The following NUP160 variants were observed in gnomAD, a reference collection of about 807,000 sequenced individuals.
The protein encoded by NUP160 is nuclear pore complex protein Nup160.
Under a neutral mutation model 196.9 loss-of-function variants are expected in NUP160, and 94 were observed. That is an observed-to-expected ratio of 0.48 (90% CI 0.40 to 0.57). NUP160 has a LOEUF of 0.57. Among genes scored for constraint, NUP160 ranks in the 20% least tolerant of loss-of-function variants. The pLI is 0.00. For missense variants in NUP160, 1,638 were observed against 1,748.3 expected (o/e 0.94, Z 1.13); for synonymous variants, 605 against 619.7 (o/e 0.98, Z 0.35).
intron 29 of NUP160, among the ~76,000 whole-genome samples, chr11:47,790,766 A>T (rs1196416338): frequency 6.6e-6 from 1 of 152,126 alleles, no homozygotes; most frequent in African/African-American, 2.4e-5. Context: ...AAACAAAAAC[A>T]AACAGGTTTA....
At chr11:47,782,652 ATTATTTAT>A (rs528276059) in intron 34 of NUP160, among the ~76,000 whole-genome samples, 1 of 151,256 alleles carries the variant, frequency 6.6e-6, no homozygotes, top group Admixed American at 6.6e-5. Context: ...TTATTTATTT[ATTATTTAT>A]TTATTTATTT....
chr11:47,840,310 T>A, intron 3 of NUP160, 68 bp downstream of exon 3: 1 of 1,361,014 alleles, frequency 7.3e-7, no homozygotes, highest in Non-Finnish European at 1.1e-6. Context: ...AAGACATCGC[T>A]CCAGCACTAC....
intron 11 of NUP160, among the ~76,000 whole-genome samples, chr11:47,817,546 C>A (rs1215466404): frequency 6.6e-6 from 1 of 150,982 alleles, no homozygotes; most frequent in Non-Finnish European, 1.5e-5. Context: ...GGGGTTTCAC[C>A]ATGTTGGCCA....
At chr11:47,823,215 A>T (rs943962824) in intron 7 of NUP160, among the ~76,000 whole-genome samples, 1 of 152,228 alleles carries the variant, frequency 6.6e-6, no homozygotes, top group Non-Finnish European at 1.5e-5. Context: ...AGTAAAATAC[A>T]CATAACGTCA....
Position 47,835,810 on chromosome 11 carries a change from C to A in NUP160, c.943-1G>T. 1 of 1,572,414 alleles carries A rather than the reference C, an allele frequency of 6.4e-7. No homozygotes were observed. Among genetic ancestry groups the A allele is most frequent in the Non-Finnish European group, 8.6e-7 (1 of 1,160,754 alleles). ...CAGCTACCATTAGGCACATTTGCTC[C>A]TGTCCAAGAAAATAGTTAATAGGTG... On this transcript the variant is annotated splice_acceptor_variant, in intron 6 of 35. Coordinates refer to ENST00000378460, the Ensembl canonical transcript of NUP160. LOFTEE classifies it high-confidence loss of function.
At chr11:47,828,722 A>T (rs772149648) in intron 7 of NUP160, among the ~76,000 whole-genome samples, 1 of 152,230 alleles carries the variant, frequency 6.6e-6, no homozygotes, top group African/African-American at 2.4e-5. Context: ...ACAGTGTGGT[A>T]CCAGCACAAG....
chr11:47,798,788 C>T (rs1024804503), intron 23 of NUP160, among the ~76,000 whole-genome samples: 2 of 152,038 alleles, frequency 1.3e-5, no homozygotes, highest in Non-Finnish European at 2.9e-5. Context: ...TTTAATCCTG[C>T]CACTGCATTT....
chr11:47,809,546 C>T (rs370282892), intron 17 of NUP160, among the ~76,000 whole-genome samples: 1 of 151,804 alleles, frequency 6.6e-6, no homozygotes, highest in Non-Finnish European at 1.5e-5. Flanking sequence ...GCCAGGAGTT[C>T]GAGACCAGTC....
At chr11:47,829,996 C>G (rs1220065137) in intron 7 of NUP160, among the ~76,000 whole-genome samples, 2 of 152,102 alleles carry the variant, frequency 1.3e-5, no homozygotes, top group African/African-American at 4.8e-5. Flanking sequence ...TTTCCAACCT[C>G]TATAAGGAAC....
At chr11:47,812,072 C>T in exon 17 of NUP160, 1 of 1,614,062 alleles carries the variant, frequency 6.2e-7, no homozygotes, top group East Asian at 2.2e-5. Flanking sequence ...ACAGCATCTC[C>T]AAGCCTCATT....
rs548320787 is a variant in NUP160 at position 47,808,675 on chromosome 11, A to C, written c.2242-146T>G. 7.7e-6 allele frequency: 4 copies of C among 520,776 alleles called. No individual in the cohort carries two copies. The African/African-American group carries it at 7.8e-5, about 10-fold the overall frequency. The allele number at this position is 520,776 out of a possible 1,614,324, so 32.3% of individuals were successfully genotyped here. On this transcript the variant is annotated intron_variant, in intron 17 of 35. Transcript: ENST00000378460. Reference sequence around the variant, plus strand: ...AACACGTTTTACATTTTACGGTAGCAAGTGGCAAAATATCTTCCCAAACAT... The same window carrying C: ...AACACGTTTTACATTTTACGGTAGCCAGTGGCAAAATATCTTCCCAAACAT...
In NUP160 at chr11:47,801,239, A is replaced by AATAC. The variant is rs1448953081; in HGVS notation, c.2895+568_2895+571dup. 2.0e-5 allele frequency among the ~76,000 whole-genome samples: 3 copies of AATAC among 152,240 alleles called. No homozygotes were observed. In the East Asian group the frequency reaches 5.8e-4, roughly 29 times the overall value. ...ATTCTAATGGCAACTGGGCTAATAAAATACCATGACGAAAATTTCATTTCA... is the reference window on the plus strand; with the variant it reads ...ATTCTAATGGCAACTGGGCTAATAAAATACATACCATGACGAAAATTTCATTTCA... On this transcript the variant is annotated intron_variant, in intron 23 of 35. Coordinates refer to ENST00000378460, the Ensembl canonical transcript of NUP160.
At chr11:47,818,236 T>C (rs1851777914) in intron 10 of NUP160, 112 bp from the exon 11 acceptor site, 3 of 688,654 alleles carry the variant, frequency 4.4e-6, no homozygotes. Context: ...TTTGCCCTTC[T>C]ATATGTGGGC....
chr11:47,808,928 C>T (rs535776104), intron 17 of NUP160, among the ~76,000 whole-genome samples: 19 of 151,950 alleles, frequency 1.3e-4, no homozygotes, highest in Non-Finnish European at 2.4e-4. Flanking sequence ...AGTGAAACCC[C>T]GTCTGTAGTA....
At chr11:47,840,523 G>C (rs1279492462) in exon 3 of NUP160, 1 of 1,613,966 alleles carries the variant, frequency 6.2e-7, no homozygotes, top group Admixed American at 1.7e-5. Flanking sequence ...TAGGCGAATG[G>C]CATTATTCAA....
intron 31 of NUP160, chr11:47,786,927 T>TAC: frequency 4.4e-6 from 1 of 224,784 alleles, no homozygotes; most frequent in South Asian, 5.2e-5. Context: ...TAGCTGGGAC[T>TAC]ACAGGCCCAT....
intron 7 of NUP160, 46 bp downstream of exon 7, chr11:47,835,605 T>G (rs201588918): frequency 2.0e-6 from 3 of 1,465,892 alleles, no homozygotes; most frequent in Non-Finnish European, 2.7e-6. Flanking sequence ...TTTCTCCACA[T>G]CAGTACACAC....
chr11:47,803,578 T>C, intron 21 of NUP160, 42 bp from the exon 22 acceptor site: 1 of 1,069,940 alleles, frequency 9.3e-7, no homozygotes, highest in Non-Finnish European at 1.5e-6. Context: ...AAAATAAATG[T>C]TACTTAAGGA....
intron 7 of NUP160, among the ~76,000 whole-genome samples, chr11:47,825,925 TAA>T (rs545037513): frequency 1.3e-5 from 2 of 152,182 alleles, no homozygotes; most frequent in South Asian, 2.1e-4. Context: ...TGTAAATTGA[TAA>T]GAGTGATGAT....
Sources: gnomAD v4.1 joint callset for allele counts (sites outside exome capture counted in the v4.1 genomes callset) on GRCh38, gnomAD v4.1.1 for gene constraint, MANE v1.5 for transcripts, NCBI Gene and HGNC (gene_info 2026-07-23, HGNC 2026-07-21) for gene names.